LRP1B: variants seen among roughly 807,000 people sequenced by gnomAD.
LRP1B encodes the protein low-density lipoprotein receptor-related protein 1B.
A neutral mutation model predicts 556.6 loss-of-function variants in LRP1B; 217 were observed. That is an observed-to-expected ratio of 0.39 (90% CI 0.35 to 0.44). The LOEUF (loss-of-function observed/expected upper bound fraction) is 0.44, where lower values mean the gene tolerates loss of function less well. Among genes scored for constraint, LRP1B ranks in the 20% least tolerant of loss-of-function variants. LRP1B has a pLI of 1.00. For missense variants in LRP1B, 5,053 were observed against 5,620.8 expected (o/e 0.90, Z 3.23); for synonymous variants, 2,047 against 1,865.8 (o/e 1.10, Z -2.50).
At chr2:141,556,328 G>A (rs192107512) in intron 2 of LRP1B, among the ~76,000 whole-genome samples, 4 of 152,024 alleles carry the variant, frequency 2.6e-5, no homozygotes, top group African/African-American at 9.6e-5. Context: ...TGCCAGTTTG[G>A]CAAGTGTCTT....
At chr2:140,492,536 G>A (rs1203949823) in intron 57 of LRP1B, 72 bp downstream of exon 57, 4 of 902,048 alleles carry the variant, frequency 4.4e-6, no homozygotes, top group South Asian at 3.4e-5. Context: ...TAATTGCCAG[G>A]TAGTTCTACA....
In LRP1B at chr2:140,322,098, CAAAAG is replaced by C. The variant is rs1439136839; in HGVS notation, c.12515-15_12515-11del. On this transcript the variant is annotated splice_polypyrimidine_tract_variant and intron_variant, in intron 81 of 90. Coordinates refer to ENST00000389484, the MANE Select transcript of LRP1B (RefSeq NM_018557.3). The stretch of plus-strand genomic sequence containing the variant: ...AAGCATGGATTGGGTACTGGTGAAA[CAAAAG>C]AAAACAAAGAAGTGTGTAAATATAG... 5 of 1,607,320 alleles carry C rather than the reference CAAAAG, an allele frequency of 3.1e-6. No homozygotes were observed. Among genetic ancestry groups the C allele is most frequent in the South Asian group, 1.1e-5 (1 of 90,146 alleles).
At chr2:141,298,306 A>G (rs527736338) in intron 3 of LRP1B, among the ~76,000 whole-genome samples, 2 of 152,242 alleles carry the variant, frequency 1.3e-5, no homozygotes, top group African/African-American at 4.8e-5. Flanking sequence ...GTCATGCCTG[A>G]TAGGAATGTC....
At chr2:142,052,940 T>G (rs749743933) in intron 1 of LRP1B, among the ~76,000 whole-genome samples, 1 of 152,146 alleles carries the variant, frequency 6.6e-6, no homozygotes. Context: ...TTTGTCGGCA[T>G]GAAGTTAATG....
intron 2 of LRP1B, among the ~76,000 whole-genome samples, chr2:141,778,190 A>C (rs775350068): frequency 1.1e-4 from 17 of 152,234 alleles, no homozygotes; most frequent in Non-Finnish European, 1.8e-4. Flanking sequence ...TATTAGGCAG[A>C]AATCCCACTA....
intron 75 of LRP1B, among the ~76,000 whole-genome samples, chr2:140,355,915 G>C (rs1383797052): frequency 2.0e-5 from 3 of 151,722 alleles, no homozygotes; most frequent in African/African-American, 4.8e-5. Flanking sequence ...TTTAAAACAT[G>C]GTTTTAGGAC....
intron 1 of LRP1B, among the ~76,000 whole-genome samples, chr2:141,852,994 A>C (rs1187563667): frequency 1.3e-5 from 2 of 151,732 alleles, no homozygotes; most frequent in African/African-American, 2.4e-5. Flanking sequence ...TATACATTAA[A>C]AAAATGGAAA....
chr2:140,825,637 C>A (rs923182), intron 31 of LRP1B, among the ~76,000 whole-genome samples: 117,707 of 152,032 alleles, frequency 0.77, 47,024 homozygotes, highest in Non-Finnish European at 0.88. Context: ...TAATATTAGT[C>A]GTAACATAAT....
chr2:141,057,130 C>T (rs1008554941), intron 9 of LRP1B, among the ~76,000 whole-genome samples: 1 of 151,856 alleles, frequency 6.6e-6, no homozygotes, highest in African/African-American at 2.4e-5. Flanking sequence ...CTCCTCCCTA[C>T]TACCTATTAT....
intron 1 of LRP1B, among the ~76,000 whole-genome samples, chr2:142,103,401 T>A (rs1706634632): frequency 6.6e-6 from 1 of 151,992 alleles, no homozygotes. Flanking sequence ...AGCTACTGTT[T>A]ATCATTTTTT....
intron 3 of LRP1B, among the ~76,000 whole-genome samples, chr2:141,446,517 C>T (rs776227122): frequency 6.6e-5 from 10 of 152,128 alleles, no homozygotes; most frequent in Admixed American, 1.3e-4. Context: ...ATGGACTTTA[C>T]AATTTGGTAT....
chr2:140,280,624 T>C (rs937125422), intron 84 of LRP1B, among the ~76,000 whole-genome samples: 1 of 151,682 alleles, frequency 6.6e-6, no homozygotes, highest in African/African-American at 2.4e-5. Flanking sequence ...AACTGACAAG[T>C]CAATCATAAG....
At chr2:141,803,384 C>G (rs1041549464) in intron 2 of LRP1B, among the ~76,000 whole-genome samples, 4 of 151,686 alleles carry the variant, frequency 2.6e-5, no homozygotes, top group African/African-American at 4.8e-5. Flanking sequence ...CCTTCCTATC[C>G]CCCCTGCATA....
intron 32 of LRP1B, among the ~76,000 whole-genome samples, chr2:140,798,319 A>G (rs1297020634): frequency 6.6e-6 from 1 of 152,162 alleles, no homozygotes; most frequent in African/African-American, 2.4e-5. Flanking sequence ...TATAAAAATG[A>G]AGAAAATCCT....
At chr2:141,320,268 GTGA>G (rs1687188339) in intron 3 of LRP1B, among the ~76,000 whole-genome samples, 1 of 151,858 alleles carries the variant, frequency 6.6e-6, no homozygotes, top group South Asian at 2.1e-4. Flanking sequence ...TTACTTCATT[GTGA>G]TTAGTCTTAT....
chr2:141,984,351 G>C (rs1413341806), intron 1 of LRP1B, among the ~76,000 whole-genome samples: 5 of 140,538 alleles, frequency 3.6e-5, no homozygotes. Flanking sequence ...AATAAAGTTT[G>C]AGAGTACCAG....
intron 49 of LRP1B, among the ~76,000 whole-genome samples, chr2:140,523,468 T>C (rs931284933): frequency 3.3e-5 from 5 of 151,772 alleles, no homozygotes; most frequent in African/African-American, 1.2e-4. Flanking sequence ...GCCCCTGAGA[T>C]CTGGAACAAA....
chr2:142,080,760 T>G (rs537948955), intron 1 of LRP1B, among the ~76,000 whole-genome samples: 1 of 152,264 alleles, frequency 6.6e-6, no homozygotes, highest in East Asian at 1.9e-4. Context: ...CCTCTCCTGC[T>G]CCTTCTGGGT....
intron 77 of LRP1B, among the ~76,000 whole-genome samples, chr2:140,347,381 C>T (rs1409263300): frequency 6.6e-6 from 1 of 150,788 alleles, no homozygotes; most frequent in African/African-American, 2.4e-5. Context: ...ACTTGATCTG[C>T]ATTTGAAATT....
Sources: allele counts gnomAD v4.1 joint callset (sites outside exome capture counted in the v4.1 genomes callset), GRCh38; gene constraint gnomAD v4.1.1; transcripts MANE v1.5; gene names NCBI Gene and HGNC (gene_info 2026-07-23, HGNC 2026-07-21).